The following SERGEF variants were observed in gnomAD, a reference collection of about 807,000 sequenced individuals.
The protein encoded by SERGEF is secretion-regulating guanine nucleotide exchange factor.
In SERGEF, 51 loss-of-function variants were observed where a neutral mutation model predicts 50.0. The ratio of observed to expected loss-of-function variants is 1.02; its 90% CI spans 0.81 to 1.29. The LOEUF (loss-of-function observed/expected upper bound fraction) is 1.29, where lower values mean the gene tolerates loss of function less well. SERGEF is among the 50% of genes most tolerant of loss of function. The pLI is 0.00. For synonymous variants in SERGEF, 205 were observed against 212.4 expected (o/e 0.97, Z 0.30); for missense variants, 521 against 557.0 (o/e 0.94, Z 0.65).
rs1853306977 is a variant in SERGEF, at chr11:17,973,849, G to C, written c.845-14213C>G. On this transcript the variant is annotated intron_variant, in intron 8 of 10. Transcript: ENST00000265965. ...ATGACCACTCCACTGTCAGTGGTTT[G>C]GGGACTTGGCACTTGCATTGAGCAG... 2.6e-5 allele frequency among the ~76,000 whole-genome samples: 4 copies of C among 152,278 alleles called. No individual in the cohort carries two copies. The South Asian group carries it at 8.3e-4, about 32-fold the overall frequency.
chr11:17,941,818 G>A (rs1038899474), intron 9 of SERGEF, among the ~76,000 whole-genome samples: 45 of 152,138 alleles, frequency 3.0e-4, no homozygotes, highest in African/African-American at 9.9e-4. Context: ...TGGTATAGTA[G>A]CCCTTCTAAT....
chr11:18,006,711 C>A lies in SERGEF; in HGVS notation c.232G>T (p.Asp78Tyr). The stretch of plus-strand genomic sequence containing the variant: ...GTGTGACCAAGCCCCAGTTGCCCAT[C>A]TTTGTTCAGGCCACAAACAAAGAGG... ...GDLFVCGLNK[D>Y]GQLGLGHTED... Residue 78 changes from aspartate (D) to tyrosine (Y), a missense_variant, in exon 3 of 11, where the codon GAT becomes TAT. Physicochemically the swap from Asp to Tyr is radical, Grantham distance 160 (BLOSUM62 -3). Transcript: ENST00000265965. 1 of 1,614,174 alleles carries A rather than the reference C, an allele frequency of 6.2e-7. No individual in the cohort carries two copies. The highest frequency in any genetic ancestry group is 8.5e-7 in the Non-Finnish European group (1 of 1,180,014).
intron 10 of SERGEF, among the ~76,000 whole-genome samples, chr11:17,837,739 C>A (rs1850427477): frequency 6.6e-6 from 1 of 150,582 alleles, no homozygotes; most frequent in Non-Finnish European, 1.5e-5. Context: ...TGGCTCACAG[C>A]AACCTCTGCT....
chr11:17,885,407 G>T (rs1031303909), intron 9 of SERGEF, among the ~76,000 whole-genome samples: 2 of 152,016 alleles, frequency 1.3e-5, no homozygotes, highest in African/African-American at 2.4e-5. Context: ...CTATAACCTC[G>T]AATTCCTGGG....
At chr11:17,963,700 AT>A (rs1284751687) in intron 8 of SERGEF, among the ~76,000 whole-genome samples, 1 of 152,144 alleles carries the variant, frequency 6.6e-6, no homozygotes, top group Admixed American at 6.5e-5. Flanking sequence ...TTAGTAAAAT[AT>A]TTTTTAACAC....
intron 10 of SERGEF, among the ~76,000 whole-genome samples, chr11:17,830,537 A>T (rs890916133): frequency 7.3e-5 from 11 of 150,710 alleles, no homozygotes; most frequent in African/African-American, 2.4e-4. Context: ...AGAGAGTGAG[A>T]GAGAGGAAGA....
intron 9 of SERGEF, among the ~76,000 whole-genome samples, chr11:17,890,380 G>A (rs1359713407): frequency 6.6e-6 from 1 of 152,292 alleles, no homozygotes; most frequent in Non-Finnish European, 1.5e-5. Flanking sequence ...AACTAAAGAC[G>A]CTGGCGTGAA....
intron 8 of SERGEF, among the ~76,000 whole-genome samples, chr11:17,982,587 C>T (rs892050709): frequency 2.0e-5 from 3 of 152,100 alleles, no homozygotes; most frequent in Non-Finnish European, 4.4e-5. Context: ...GATATATGGT[C>T]CCAAAGAAGA....
intron 2 of SERGEF, 111 bp from the exon 3 acceptor site, chr11:18,006,857 G>A: frequency 1.6e-6 from 2 of 1,273,224 alleles, no homozygotes; most frequent in African/African-American, 1.5e-5. Flanking sequence ...AACTTTTTTT[G>A]CCATCCAAGT....
At chr11:18,002,109 G>T (rs796110982) in intron 4 of SERGEF, 9 of 440,696 alleles carry the variant, frequency 2.0e-5, no homozygotes, top group African/African-American at 1.8e-4. Context: ...TCAAATCTTA[G>T]CGTTAATACA....
chr11:18,002,215 C>T (rs933688669), intron 4 of SERGEF, among the ~76,000 whole-genome samples: 1 of 152,234 alleles, frequency 6.6e-6, no homozygotes, highest in Non-Finnish European at 1.5e-5. Context: ...TAACACCACT[C>T]ACCTCCACCT....
At chr11:17,945,298 G>C (rs1378903498) in intron 9 of SERGEF, among the ~76,000 whole-genome samples, 1 of 152,208 alleles carries the variant, frequency 6.6e-6, no homozygotes, top group Non-Finnish European at 1.5e-5. Context: ...TACACCTCTG[G>C]AAAAATCAAA....
At position 17,901,646 on chromosome 11, in the gene SERGEF, T is replaced by C. The variant is rs143895557; in HGVS notation, c.1012-23402A>G. Among the ~76,000 whole-genome samples the C allele has an allele frequency of 2.8e-3, 430 of 152,330 alleles. 2 individuals carry two copies. The highest frequency in any genetic ancestry group is 4.8e-3 in the South Asian group (23 of 4,830). ...CTGTCAGCTCCTTCTGTCAAAACAC[T>C]GCCCATCCTTCACACTCAGCGGAAT... On this transcript the variant is annotated intron_variant, in intron 9 of 10. Coordinates refer to ENST00000265965, the MANE Select transcript of SERGEF (RefSeq NM_012139.4).
intron 9 of SERGEF, 126 bp from the exon 10 acceptor site, chr11:17,878,370 A>G: frequency 1.5e-6 from 1 of 652,472 alleles, no homozygotes; most frequent in Non-Finnish European, 2.7e-6. Context: ...AATAGAAAGA[A>G]GCATCACATA....
intron 1 of SERGEF, chr11:18,010,092 TG>T: frequency 8.0e-7 from 1 of 1,251,614 alleles, no homozygotes; most frequent in Non-Finnish European, 1.0e-6. Context: ...TGGTTCTTCC[TG>T]GAGATGAGAA....
intron 10 of SERGEF, among the ~76,000 whole-genome samples, chr11:17,810,247 CT>C (rs1849843587): frequency 1.3e-5 from 2 of 152,216 alleles, no homozygotes. Flanking sequence ...TCTCTCACTT[CT>C]TGTATCCCAC....
At chr11:17,850,304 A>T (rs568281497) in intron 10 of SERGEF, among the ~76,000 whole-genome samples, 27 of 152,314 alleles carry the variant, frequency 1.8e-4, no homozygotes, top group Non-Finnish European at 3.4e-4. Context: ...ACCATAGCAG[A>T]TGCCTAACAG....
chr11:17,978,906 C>T (rs1454639006), intron 8 of SERGEF, among the ~76,000 whole-genome samples: 1 of 152,208 alleles, frequency 6.6e-6, no homozygotes, highest in Admixed American at 6.5e-5. Flanking sequence ...AGCCCCTTGT[C>T]GAATACACCC....
Position 17,931,713 on chromosome 11 carries a change from T to TA in SERGEF, c.1011+27756dup, listed in dbSNP as rs1293542989. 2.0e-5 allele frequency among the ~76,000 whole-genome samples: 3 copies of TA among 152,166 alleles called. No homozygotes were observed. In the South Asian group the frequency reaches 6.2e-4, roughly 32 times the overall value. On this transcript the variant is annotated intron_variant, in intron 9 of 10. Transcript: ENST00000265965. ...AAAACATCACCCAATATCTGCATTA[T>TA]AAAAGACCACTTAATACTGGGGCTG...
Sources: allele counts gnomAD v4.1 joint callset (sites outside exome capture counted in the v4.1 genomes callset), GRCh38; gene constraint gnomAD v4.1.1; transcripts MANE v1.5; gene names NCBI Gene and HGNC (gene_info 2026-07-23, HGNC 2026-07-21).